GOLPH3: variants seen among roughly 807,000 people sequenced by gnomAD.
GOLPH3 encodes the protein golgi phosphoprotein 3, also known as coat protein GPP34.
Under a neutral mutation model 28.5 loss-of-function variants are expected in GOLPH3, and 14 were observed. The ratio of observed to expected loss-of-function variants is 0.49; its 90% CI spans 0.32 to 0.77. GOLPH3 has a LOEUF of 0.77. Ranked by LOEUF, GOLPH3 falls within the 30% of genes least tolerant of loss-of-function variation. The pLI, the probability that GOLPH3 is intolerant of heterozygous loss-of-function variation, is 0.03. For missense variants in GOLPH3, 350 were observed against 393.7 expected (o/e 0.89, Z 0.94); for synonymous variants, 158 against 159.2 (o/e 0.99, Z 0.06).
In GOLPH3 at chr5:32,143,805, C is replaced by T. The variant is rs1168928773; in HGVS notation, c.301G>A (p.Gly101Arg). ...CCACAAGCCTCTAGTTGTAACCTTCCTCTCAATGCTAATTCAATTAACATA... is the reference window on the plus strand; with the variant it reads ...CCACAAGCCTCTAGTTGTAACCTTCTTCTCAATGCTAATTCAATTAACATA... ...GCMLIELALR[G>R]RLQLEACGMR... Residue 101 changes from glycine to arginine, a missense_variant, in exon 2 of 4, where the codon GGA becomes AGA. Gly to Arg is a moderately radical substitution (Grantham distance 125, BLOSUM62 -2). Transcript: ENST00000265070. 2 of 1,604,914 alleles carry T rather than the reference C, an allele frequency of 1.2e-6. No homozygotes were observed. Among genetic ancestry groups the T allele is most frequent in the Admixed American group, 1.7e-5 (1 of 57,726 alleles).
intron 2 of GOLPH3, among the ~76,000 whole-genome samples, chr5:32,140,187 GA>G (rs367594027): frequency 1.0e-3 from 144 of 144,562 alleles, no homozygotes; most frequent in Middle Eastern, 3.5e-3. Context: ...GCTTCTAGAG[GA>G]AAAAAAAAAA....
At chr5:32,160,991 T>C (rs1312183805) in intron 1 of GOLPH3, among the ~76,000 whole-genome samples, 1 of 128,888 alleles carries the variant, frequency 7.8e-6, no homozygotes, top group Non-Finnish European at 1.5e-5. Flanking sequence ...GGCGTGAACC[T>C]GGGAGGCGGA....
chr5:32,136,723 T>C (rs940459195), intron 2 of GOLPH3, among the ~76,000 whole-genome samples: 2 of 152,192 alleles, frequency 1.3e-5, no homozygotes, highest in South Asian at 4.1e-4. Flanking sequence ...CATGCATCCA[T>C]TGGAACATTC....
chr5:32,166,632 A>AC (rs1460028486), intron 1 of GOLPH3, among the ~76,000 whole-genome samples: 1 of 152,062 alleles, frequency 6.6e-6, no homozygotes, highest in Non-Finnish European at 1.5e-5. Context: ...ACATGGTGAA[A>AC]CCCCATCTCT....
At chr5:32,164,684 C>T (rs114362028) in intron 1 of GOLPH3, among the ~76,000 whole-genome samples, 2,222 of 152,068 alleles carry the variant, frequency 0.015, 21 homozygotes, top group Non-Finnish European at 0.024. Flanking sequence ...GGTGAGCTAC[C>T]GCGCCCGGCC....
chr5:32,161,911 T>C lies in GOLPH3; in HGVS notation c.225+11899A>G, dbSNP rs569731241. Among the ~76,000 whole-genome samples, 859 of 150,476 alleles carry C rather than the reference T, an allele frequency of 5.7e-3. 10 individuals carry two copies. The highest frequency in any genetic ancestry group is 6.1e-3 in the Non-Finnish European group (412 of 67,828). ...GCATGGTGACGGGCGCCTGTAGTCC[T>C]AGCTACTCGGGAGGCTGAGGCAGGA... is the stretch of plus-strand genomic sequence containing the variant. On this transcript the variant is annotated intron_variant, in intron 1 of 3. Coordinates refer to ENST00000265070, the MANE Select transcript of GOLPH3 (RefSeq NM_022130.4).
chr5:32,131,750 G>GC (rs1745829069), intron 3 of GOLPH3, among the ~76,000 whole-genome samples: 1 of 152,214 alleles, frequency 6.6e-6, no homozygotes, highest in African/African-American at 2.4e-5. Context: ...CATGTCCACT[G>GC]CCCAACAATC....
At chr5:32,142,928 C>G (rs1746110768) in intron 2 of GOLPH3, among the ~76,000 whole-genome samples, 1 of 152,086 alleles carries the variant, frequency 6.6e-6, no homozygotes, top group Admixed American at 6.5e-5. Context: ...CTCTGCCCGG[C>G]CACCACCCCG....
chr5:32,166,406 T>C (rs913838006), intron 1 of GOLPH3, among the ~76,000 whole-genome samples: 1 of 152,188 alleles, frequency 6.6e-6, no homozygotes, highest in Non-Finnish European at 1.5e-5. Context: ...TGTACAATGC[T>C]ATTAAAACAG....
chr5:32,147,255 T>C (rs954088448), intron 1 of GOLPH3, among the ~76,000 whole-genome samples: 1 of 152,184 alleles, frequency 6.6e-6, no homozygotes, highest in African/African-American at 2.4e-5. Context: ...AACTCAGCAC[T>C]TCCCAAACTT....
At chr5:32,147,172 T>C (rs1746195285) in intron 1 of GOLPH3, among the ~76,000 whole-genome samples, 1 of 151,968 alleles carries the variant, frequency 6.6e-6, no homozygotes, top group South Asian at 2.1e-4. Flanking sequence ...CAAAAATATA[T>C]GTACAAATAT....
At chr5:32,149,315 T>C (rs1415021577) in intron 1 of GOLPH3, among the ~76,000 whole-genome samples, 1 of 152,216 alleles carries the variant, frequency 6.6e-6, no homozygotes, top group Non-Finnish European at 1.5e-5. Context: ...TGTTTTGTTA[T>C]GCAGTAAGAT....
chr5:32,140,726 GGAAA>G (rs1746039473), intron 2 of GOLPH3, among the ~76,000 whole-genome samples: 1 of 151,038 alleles, frequency 6.6e-6, no homozygotes, highest in South Asian at 2.1e-4. Context: ...CCAGCTACTT[GGAAA>G]GCAGAGGTTG....
Position 32,135,587 on chromosome 5 carries a change from T to C in GOLPH3, c.457A>G (p.Ile153Val). The C allele has an allele frequency of 1.2e-6, 2 of 1,608,334 alleles. No homozygotes were observed. The highest frequency in any genetic ancestry group is 1.7e-6 in the Non-Finnish European group (2 of 1,174,896). ...AGCAGCTTACCACTAAGTAATTCAA[T>C]CCAGTTCTGGACCGTTTCTGGAGGC... ...TQPPETVQNW[I>V]ELLSGETWNP... Residue 153 changes from isoleucine to valine, a missense_variant, in exon 3 of 4, where the codon ATT becomes GTT. Transcript: ENST00000265070.
intron 2 of GOLPH3, among the ~76,000 whole-genome samples, chr5:32,142,026 C>A (rs1463522883): frequency 6.6e-6 from 1 of 152,176 alleles, no homozygotes; most frequent in South Asian, 2.1e-4. Flanking sequence ...CGGCCGCCAC[C>A]CCGTCTGGGA....
At chr5:32,155,840 C>T (rs2111876785) in intron 1 of GOLPH3, among the ~76,000 whole-genome samples, 1 of 151,490 alleles carries the variant, frequency 6.6e-6, no homozygotes, top group Admixed American at 6.6e-5. Flanking sequence ...GCCTGTAATC[C>T]CAGCTACTTG....
At chr5:32,135,325 T>A (rs1031999211) in intron 3 of GOLPH3, among the ~76,000 whole-genome samples, 1 of 152,222 alleles carries the variant, frequency 6.6e-6, no homozygotes, top group Non-Finnish European at 1.5e-5. Context: ...TAGCATGTGG[T>A]AATTTTGATA....
intron 1 of GOLPH3, among the ~76,000 whole-genome samples, chr5:32,162,802 G>A (rs1277660504): frequency 1.3e-5 from 2 of 152,236 alleles, no homozygotes; most frequent in Non-Finnish European, 2.9e-5. Flanking sequence ...CCCATGGCCG[G>A]GCGCGGTGGC....
At chr5:32,138,877 G>A (rs938506316) in intron 2 of GOLPH3, among the ~76,000 whole-genome samples, 7 of 152,238 alleles carry the variant, frequency 4.6e-5, no homozygotes, top group African/African-American at 1.7e-4. Context: ...AGTGAAGGGT[G>A]AGAGAGCACA....
Sources: allele counts gnomAD v4.1 joint callset (sites outside exome capture counted in the v4.1 genomes callset), GRCh38; gene constraint gnomAD v4.1.1; transcripts MANE v1.5; gene names NCBI Gene and HGNC (gene_info 2026-07-23, HGNC 2026-07-21).